The following ZFR variants were observed in gnomAD, a reference collection of about 807,000 sequenced individuals.
ZFR encodes zinc finger RNA binding protein.
ZFR carries 19 observed loss-of-function variants against 130.7 expected under a neutral mutation model. The observed-to-expected ratio is 0.15, with a 90% CI of 0.10 to 0.21. The LOEUF (loss-of-function observed/expected upper bound fraction) is 0.21. ZFR is among the 10% of genes least tolerant of loss of function. The pLI, the probability that ZFR is intolerant of heterozygous loss-of-function variation, is 1.00. For synonymous variants in ZFR, 466 were observed against 456.9 expected (o/e 1.02, Z -0.25); for missense variants, 872 against 1,321.5 (o/e 0.66, Z 5.27).
rs2111823337 is a variant in ZFR, at chr5:32,419,802, A to G, written c.420+19T>C. Reference sequence around the variant, plus strand: ...AGAAACCCGCACATTCAGGCTACCAAAACTAGTAGTTTTCTTACCTGGTAG... The same window carrying G: ...AGAAACCCGCACATTCAGGCTACCAGAACTAGTAGTTTTCTTACCTGGTAG... On this transcript the variant is annotated intron_variant, in intron 3 of 19. Coordinates refer to ENST00000265069, the MANE Select transcript of ZFR (RefSeq NM_016107.5). The G allele has an allele frequency of 6.4e-7, 1 of 1,573,348 alleles. No homozygotes were observed. The highest frequency in any genetic ancestry group is 8.6e-7 in the Non-Finnish European group (1 of 1,158,246).
At chr5:32,369,796 A>G (rs917640031) in intron 17 of ZFR, among the ~76,000 whole-genome samples, 4 of 152,166 alleles carry the variant, frequency 2.6e-5, no homozygotes, top group African/African-American at 9.7e-5. Flanking sequence ...CGAGTGACAG[A>G]GTGAAACTCT....
intron 5 of ZFR, among the ~76,000 whole-genome samples, chr5:32,411,025 G>A (rs1477366): frequency 0.017 from 2,544 of 152,256 alleles, 37 homozygotes; most frequent in Non-Finnish European, 0.026. Context: ...ACAACTAAAT[G>A]TCCTCAAATA....
chr5:32,401,592 G>A (rs1753449151), intron 8 of ZFR, among the ~76,000 whole-genome samples: 1 of 152,202 alleles, frequency 6.6e-6, no homozygotes, highest in Non-Finnish European at 1.5e-5. Context: ...TTACTACACA[G>A]GTAGCATGGA....
chr5:32,381,106 A>G (rs1031300392), intron 15 of ZFR, among the ~76,000 whole-genome samples: 3 of 152,132 alleles, frequency 2.0e-5, no homozygotes. Context: ...GCGAATAGGA[A>G]CTAGTATGGT....
Position 32,437,420 on chromosome 5 carries a change from A to C in ZFR, c.137+6809T>G, listed in dbSNP as rs181243574. On this transcript the variant is annotated intron_variant, in intron 2 of 19. Transcript: ENST00000265069. ...TAATATTCAAATAAAACAAAAAAAA[A>C]CCCAAAGTTTATTTCATTCATTTTA... Among the ~76,000 whole-genome samples the C allele has an allele frequency of 5.4e-3, 819 of 152,264 alleles. 3 individuals carry two copies. Among genetic ancestry groups the C allele is most frequent in the Non-Finnish European group, 8.1e-3 (549 of 68,012 alleles).
At chr5:32,361,812 A>C (rs1752441031) in intron 19 of ZFR, among the ~76,000 whole-genome samples, 1 of 151,956 alleles carries the variant, frequency 6.6e-6, no homozygotes, top group Non-Finnish European at 1.5e-5. Context: ...TAGTAGACAC[A>C]GGGTTTTGCC....
intron 14 of ZFR, 43 bp downstream of exon 14, chr5:32,387,506 G>C (rs555765228): frequency 6.3e-7 from 1 of 1,599,172 alleles, no homozygotes. Flanking sequence ...AAAAACTTCT[G>C]AACCAGACAA....
At chr5:32,390,134 G>A (rs1753132014) in intron 12 of ZFR, 141 bp downstream of exon 12, 17 of 1,128,778 alleles carry the variant, frequency 1.5e-5, no homozygotes, top group Middle Eastern at 6.4e-4. Flanking sequence ...CAGCCTGGGC[G>A]ACAGAGCAAG....
chr5:32,439,311 T>C (rs977722933), intron 2 of ZFR, among the ~76,000 whole-genome samples: 2 of 152,228 alleles, frequency 1.3e-5, no homozygotes, highest in Non-Finnish European at 2.9e-5. Flanking sequence ...TTTTTTTACT[T>C]TCTCAGTGTT....
At chr5:32,404,559 C>T (rs1258731908) in intron 6 of ZFR, among the ~76,000 whole-genome samples, 1 of 152,174 alleles carries the variant, frequency 6.6e-6, no homozygotes, top group African/African-American at 2.4e-5. Context: ...ACTGACTTTT[C>T]TAATTCAGAA....
intron 5 of ZFR, among the ~76,000 whole-genome samples, chr5:32,410,283 CAAAAAAAA>C (rs3065266): frequency 8.8e-6 from 1 of 113,114 alleles, no homozygotes; most frequent in Admixed American, 9.8e-5. Context: ...ACACTGTCTC[CAAAAAAAA>C]AAAAAAAAAA....
chr5:32,369,701 A>G (rs963239241), intron 17 of ZFR, among the ~76,000 whole-genome samples: 3 of 152,120 alleles, frequency 2.0e-5, no homozygotes, highest in African/African-American at 7.2e-5. Flanking sequence ...AGTCCTATGT[A>G]CGTGGGAGGC....
At chr5:32,393,379 T>C (rs1030800706) in intron 11 of ZFR, among the ~76,000 whole-genome samples, 1 of 152,186 alleles carries the variant, frequency 6.6e-6, no homozygotes, top group South Asian at 2.1e-4. Flanking sequence ...GTTTTGTTCT[T>C]GTTGCCCAGG....
At chr5:32,380,214 G>A in intron 15 of ZFR, 42 bp from the exon 16 acceptor site, 1 of 1,485,948 alleles carries the variant, frequency 6.7e-7, no homozygotes, top group Non-Finnish European at 9.4e-7. Flanking sequence ...AGGAATGGGT[G>A]TTTGACCAGG....
At chr5:32,428,308 G>C (rs573310379) in intron 2 of ZFR, among the ~76,000 whole-genome samples, 1 of 152,286 alleles carries the variant, frequency 6.6e-6, no homozygotes, top group East Asian at 1.9e-4. Flanking sequence ...CAGCTACTCA[G>C]GGGGCTGAGG....
At chr5:32,440,482 A>G (rs1481275465) in intron 2 of ZFR, among the ~76,000 whole-genome samples, 1 of 152,062 alleles carries the variant, frequency 6.6e-6, no homozygotes, top group African/African-American at 2.4e-5. Flanking sequence ...ACTCGTCTGT[A>G]CTAAAAATAC....
intron 16 of ZFR, 77 bp from the exon 17 acceptor site, chr5:32,379,287 T>C (rs1402700433): frequency 8.0e-7 from 1 of 1,255,440 alleles, no homozygotes; most frequent in Non-Finnish European, 1.2e-6. Flanking sequence ...AAAGTTAAAA[T>C]ACCACCGTTC....
At chr5:32,377,698 A>G (rs758859781) in intron 17 of ZFR, among the ~76,000 whole-genome samples, 15 of 151,980 alleles carry the variant, frequency 9.9e-5, no homozygotes, top group South Asian at 2.1e-4. Flanking sequence ...GCATATATAT[A>G]TATTTTTGAG....
intron 9 of ZFR, among the ~76,000 whole-genome samples, chr5:32,399,246 G>A (rs1162034281): frequency 1.3e-5 from 2 of 151,192 alleles, no homozygotes; most frequent in African/African-American, 4.9e-5. Flanking sequence ...CTACACTCCA[G>A]CCTGGGTGGC....
Sources: gnomAD v4.1 joint callset for allele counts (sites outside exome capture counted in the v4.1 genomes callset) on GRCh38, gnomAD v4.1.1 for gene constraint, MANE v1.5 for transcripts, NCBI Gene and HGNC (gene_info 2026-07-23, HGNC 2026-07-21) for gene names.